Variants in TXLNG observed in about 807,000 individuals in gnomAD.
TXLNG encodes taxilin gamma, also known as gamma-taxilin.
In TXLNG, 5 loss-of-function variants were observed where a neutral mutation model predicts 38.8. The observed-to-expected ratio is 0.13, with a 90% CI of 0.07 to 0.27. TXLNG has a LOEUF of 0.27. Among genes scored for constraint, TXLNG ranks in the 10% least tolerant of loss-of-function variants. TXLNG has a pLI of 1.00. For missense variants in TXLNG, 393 were observed against 398.2 expected (o/e 0.99, Z 0.11); for synonymous variants, 182 against 158.2 (o/e 1.15, Z -1.13).
chrX:16,801,240 C>CAG (rs762082416), intron 1 of TXLNG, among the ~76,000 whole-genome samples: 3 of 111,496 alleles, frequency 2.7e-5, no homozygotes, highest in Non-Finnish European at 3.8e-5. Context: ...GGCTGGAGTG[C>CAG]AGTGGTGTGA....
In TXLNG at chrX:16,812,691, CTTTTTTTTTTTTTTTTTT is replaced by C. The variant is rs55974932; in HGVS notation, c.103-5872_103-5855del. ...ACAGGCATGAGCCACTGCGGCCAGC[CTTTTTTTTTTTTTTTTTT>C]TTTTTTTTTTGAGGTGGAGTTTCGC... is the stretch of plus-strand genomic sequence containing the variant. On this transcript the variant is annotated intron_variant, in intron 1 of 9. Transcript: ENST00000380122. Among the ~76,000 whole-genome samples the C allele has an allele frequency of 7.6e-3, 299 of 39,478 alleles. 1 individual carries two copies. Among genetic ancestry groups the C allele is most frequent in the Non-Finnish European group, 9.7e-3 (247 of 25,495 alleles). 34.3% of individuals were successfully genotyped at this position (39,478 alleles called of 115,157 possible). A position where few individuals can be genotyped will look rare whatever the true frequency, so the allele number is the denominator to read the frequency against.
intron 3 of TXLNG, among the ~76,000 whole-genome samples, chrX:16,827,650 A>G: frequency 8.9e-6 from 1 of 111,856 alleles, no homozygotes; most frequent in Non-Finnish European, 1.9e-5. Context: ...TCAGGACCCC[A>G]GGGGATAGCA....
chrX:16,806,245 G>A (rs1005428539), intron 1 of TXLNG, among the ~76,000 whole-genome samples: 2 of 112,287 alleles, frequency 1.8e-5, no homozygotes, highest in Non-Finnish European at 3.8e-5. Flanking sequence ...TAGGAGGAAC[G>A]TTTATGTTTT....
At chrX:16,796,278 C>T (rs1255302487) in intron 1 of TXLNG, among the ~76,000 whole-genome samples, 1 of 111,517 alleles carries the variant, frequency 9.0e-6, no homozygotes, top group Non-Finnish European at 1.9e-5. Flanking sequence ...GCTGGGATTA[C>T]AGGCATGAGC....
intron 1 of TXLNG, among the ~76,000 whole-genome samples, chrX:16,804,151 A>C (rs1369833636): frequency 8.9e-6 from 1 of 112,254 alleles, no homozygotes; most frequent in East Asian, 2.8e-4. Context: ...GTATCCATAT[A>C]TTGGCTTATA....
chrX:16,797,281 C>CAAAAAAAAAAAAAAAGAAAA (rs1927924308), intron 1 of TXLNG, among the ~76,000 whole-genome samples: 1 of 85,516 alleles, frequency 1.2e-5, no homozygotes. Flanking sequence ...AAGACTGTCT[C>CAAAAAAAAAAAAAAAGAAAA]AAAAAAAAAA....
intron 1 of TXLNG, among the ~76,000 whole-genome samples, chrX:16,802,442 G>C (rs1928140757): frequency 1.8e-5 from 2 of 109,602 alleles, no homozygotes; most frequent in Non-Finnish European, 3.8e-5. Flanking sequence ...GTAGAGGCAG[G>C]GTTTCGCCAT....
At chrX:16,815,919 A>G (rs939205400) in intron 1 of TXLNG, among the ~76,000 whole-genome samples, 2 of 110,176 alleles carry the variant, frequency 1.8e-5, no homozygotes, top group Admixed American at 9.8e-5. Context: ...TTATATATCT[A>G]TGCGCCCAAT....
intron 3 of TXLNG, among the ~76,000 whole-genome samples, chrX:16,822,506 C>T (rs1162489289): frequency 1.8e-5 from 2 of 111,663 alleles, no homozygotes; most frequent in African/African-American, 3.3e-5. Context: ...CAAAGATGGC[C>T]GAAAACACAG....
chrX:16,832,546 G>GT, intron 5 of TXLNG, 77 bp from the exon 6 acceptor site: 3 of 1,170,838 alleles, frequency 2.6e-6, no homozygotes, highest in Non-Finnish European at 3.5e-6. Context: ...GCAGGGTGCT[G>GT]TAACTGCTGT....
intron 3 of TXLNG, among the ~76,000 whole-genome samples, chrX:16,824,927 G>GA (rs1230452467): frequency 5.1e-4 from 47 of 92,496 alleles, no homozygotes; most frequent in Non-Finnish European, 5.9e-4. Context: ...CTTCATCTCA[G>GA]AAAAAAAAAA....
intron 1 of TXLNG, among the ~76,000 whole-genome samples, chrX:16,789,174 G>A (rs1927614902): frequency 9.0e-6 from 1 of 111,343 alleles, no homozygotes; most frequent in South Asian, 3.7e-4. Context: ...TCATTATCTA[G>A]TTACATTATG....
intron 1 of TXLNG, among the ~76,000 whole-genome samples, chrX:16,792,752 C>T (rs1380182709): frequency 9.2e-6 from 1 of 108,192 alleles, no homozygotes; most frequent in East Asian, 2.9e-4. Context: ...CTGCTCTAGC[C>T]TGGGCAAGAG....
Position 16,836,319 on chromosome X carries a change from C to T in TXLNG, c.1060-1274C>T, listed in dbSNP as rs745874794. Among the ~76,000 whole-genome samples the T allele has an allele frequency of 1.6e-4, 18 of 112,265 alleles. No individual in the cohort carries two copies. In the East Asian group the frequency reaches 2.5e-3, roughly 16 times the overall value. ...CCTCAGGCACTAATACTGCTCCCTC[C>T]CTCTGCGTGAGCACCACTCTTGCCC... is the stretch of plus-strand genomic sequence containing the variant. On this transcript the variant is annotated intron_variant, in intron 7 of 9. Coordinates refer to ENST00000380122, the MANE Select transcript of TXLNG (RefSeq NM_018360.3).
In TXLNG at chrX:16,818,888, G is replaced by A. The variant is rs770054622; in HGVS notation, c.406+11G>A. The A allele has an allele frequency of 2.0e-5, 23 of 1,178,688 alleles. No homozygotes were observed. Among genetic ancestry groups the A allele is most frequent in the East Asian group, 9.0e-5 (3 of 33,376 alleles). On this transcript the variant is annotated intron_variant, in intron 2 of 9. Coordinates refer to ENST00000380122, the MANE Select transcript of TXLNG (RefSeq NM_018360.3). ...AAGAAAAAACTTTAGGTAATAATCC[G>A]TTCAGTGGTTGGACGTTTCACATGC...
At chrX:16,821,816 CT>C (rs1244016623) in intron 3 of TXLNG, among the ~76,000 whole-genome samples, 3 of 105,049 alleles carry the variant, frequency 2.9e-5, no homozygotes, top group Non-Finnish European at 5.9e-5. Context: ...CGGTGAAACC[CT>C]GTCTCTACTA....
intron 3 of TXLNG, among the ~76,000 whole-genome samples, chrX:16,821,137 TTTC>T (rs1423898586): frequency 0.011 from 237 of 21,979 alleles, 12 homozygotes; most frequent in African/African-American, 0.051. Context: ...TCTTTCTTTC[TTTC>T]TTTTTTTTTT....
At chrX:16,805,093 C>T (rs1293345894) in intron 1 of TXLNG, among the ~76,000 whole-genome samples, 2 of 101,660 alleles carry the variant, frequency 2.0e-5, no homozygotes, top group African/African-American at 7.2e-5. Flanking sequence ...AAGTGATCCT[C>T]CTACCTTAGC....
At chrX:16,820,141 T>C (rs760167468) in intron 2 of TXLNG, 23 bp from the exon 3 acceptor site, 39 of 1,147,207 alleles carry the variant, frequency 3.4e-5, no homozygotes, top group Admixed American at 1.6e-4. Context: ...CTGGGACTTA[T>C]TTCTTTTCTT....
Sources: allele counts gnomAD v4.1 joint callset (sites outside exome capture counted in the v4.1 genomes callset), GRCh38; gene constraint gnomAD v4.1.1; transcripts MANE v1.5; gene names NCBI Gene and HGNC (gene_info 2026-07-23, HGNC 2026-07-21).